The following MKRN2 variants were observed in gnomAD, a reference collection of about 807,000 sequenced individuals.
MKRN2 encodes makorin ring finger protein 2.
In MKRN2, 32 loss-of-function variants were observed where a neutral mutation model predicts 45.4. That is an observed-to-expected ratio of 0.70 (90% CI 0.53 to 0.95). The LOEUF (loss-of-function observed/expected upper bound fraction) is 0.95. Among genes scored for constraint, MKRN2 ranks in the 40% least tolerant of loss-of-function variants. MKRN2 has a pLI of 0.00. For synonymous variants in MKRN2, 206 were observed against 192.4 expected (o/e 1.07, Z -0.59); for missense variants, 526 against 536.7 (o/e 0.98, Z 0.20).
At chr3:12,576,796 G>C in intron 6 of MKRN2, 55 bp downstream of exon 6, 1 of 1,306,944 alleles carries the variant, frequency 7.7e-7, no homozygotes, top group East Asian at 2.3e-5. Flanking sequence ...TCTGCTGTCA[G>C]CCCGTGTCCT....
chr3:12,565,212 A>G lies in MKRN2; in HGVS notation c.27-3663A>G, dbSNP rs185685110. ...AAGAAACTGTCAAACTGTCTTCCAA[A>G]CTCAGCCTCCTTTAGTTACATGGCA... is the stretch of plus-strand genomic sequence containing the variant. On this transcript the variant is annotated intron_variant, in intron 1 of 7. Transcript: ENST00000170447. 1.9e-4 allele frequency among the ~76,000 whole-genome samples: 29 copies of G among 152,322 alleles called. No homozygotes were observed. In the East Asian group the frequency reaches 5.4e-3, roughly 28 times the overall value.
intron 1 of MKRN2, among the ~76,000 whole-genome samples, chr3:12,566,162 G>A (rs2058068112): frequency 1.3e-5 from 2 of 152,160 alleles, no homozygotes; most frequent in Non-Finnish European, 2.9e-5. Context: ...ACTATTTATG[G>A]ATCTTTAAAG....
chr3:12,579,827 G>A (rs927835281), intron 6 of MKRN2, among the ~76,000 whole-genome samples: 2 of 152,264 alleles, frequency 1.3e-5, no homozygotes, highest in South Asian at 2.1e-4. Context: ...GGGGCCAGGC[G>A]CAGTGGCTTA....
At chr3:12,565,428 C>T (rs1274925589) in intron 1 of MKRN2, among the ~76,000 whole-genome samples, 1 of 150,774 alleles carries the variant, frequency 6.6e-6, no homozygotes, top group Non-Finnish European at 1.5e-5. Context: ...TTTTATACTT[C>T]ATTTTGGGTC....
At chr3:12,566,533 A>G (rs1474839812) in intron 1 of MKRN2, among the ~76,000 whole-genome samples, 1 of 152,106 alleles carries the variant, frequency 6.6e-6, no homozygotes, top group African/African-American at 2.4e-5. Flanking sequence ...TATCCCATCT[A>G]CTAAACTCAT....
intron 1 of MKRN2, chr3:12,560,763 TGA>T (rs1330287793): frequency 6.6e-6 from 1 of 152,364 alleles, no homozygotes; most frequent in Non-Finnish European, 1.5e-5. Context: ...CTACCTGCTC[TGA>T]GTCTCCAGCT....
chr3:12,559,863 C>T lies in MKRN2; in HGVS notation c.26+2687C>T, dbSNP rs140190769. 3.5e-3 allele frequency among the ~76,000 whole-genome samples: 539 copies of T among 152,310 alleles called. 2 individuals are homozygous for T. The highest frequency in any genetic ancestry group is 0.012 in the African/African-American group (501 of 41,552). ...TTCACCTTCTCCTCTTGTGATAGAG[C>T]TTCCCTGCATCTCATAATCACTATT... On this transcript the variant is annotated intron_variant, in intron 1 of 7. Coordinates refer to ENST00000170447, the MANE Select transcript of MKRN2 (RefSeq NM_014160.5).
intron 6 of MKRN2, 96 bp downstream of exon 6, chr3:12,576,837 G>A: frequency 1.3e-6 from 1 of 780,986 alleles, no homozygotes; most frequent in Non-Finnish European, 2.1e-6. Context: ...TGGTCTTAGG[G>A]GCCTCTTCCT....
chr3:12,568,244 T>C (rs2058080372), intron 1 of MKRN2, among the ~76,000 whole-genome samples: 2 of 152,176 alleles, frequency 1.3e-5, no homozygotes, highest in South Asian at 4.1e-4. Context: ...GCTGAGACTG[T>C]GCCATTGCAC....
intron 6 of MKRN2, 81 bp from the exon 7 acceptor site, chr3:12,581,727 T>G: frequency 6.7e-7 from 1 of 1,501,270 alleles, no homozygotes; most frequent in Admixed American, 1.8e-5. Flanking sequence ...GTAAGGGTGG[T>G]AAGGATGGAG....
rs779539575 is a variant in MKRN2, at chr3:12,576,643, A to G, written c.870A>G (p.Glu290=). The G allele has an allele frequency of 2.5e-6, 4 of 1,600,504 alleles. No individual in the cohort carries two copies. Among genetic ancestry groups the G allele is most frequent in the South Asian group, 1.1e-5 (1 of 90,706 alleles). Residue 290 remains glutamate (E), a synonymous_variant, in exon 6 of 8, where the codon GAA becomes GAG. Coordinates refer to ENST00000170447, the MANE Select transcript of MKRN2 (RefSeq NM_014160.5). The stretch of plus-strand genomic sequence containing the variant: ...ATTCTTATTTCAGGTCTTGTCCAGA[A>G]TGCCGTGTGATATCAGAGTTTGTAA... The part of the protein sequence containing the change: ...FENPIIKSCP[E]CRVISEFVIP...
Position 12,557,165 on chromosome 3 carries a change from G to A in MKRN2, c.15G>A (p.Gln5=), listed in dbSNP as rs1174561867. The A allele has an allele frequency of 2.6e-6, 4 of 1,536,940 alleles. No individual in the cohort carries two copies. The highest frequency in any genetic ancestry group is 3.5e-6 in the Non-Finnish European group (4 of 1,143,824). The change falls in exon 1 of 8, where the codon CAG becomes CAA. Residue 5 remains glutamine, a synonymous_variant. Coordinates refer to ENST00000170447, the MANE Select transcript of MKRN2 (RefSeq NM_014160.5). ...GCCCAGCCACCATGAGCACCAAGCA[G>A]ATCACTTGCAGGTCAGTGCGCTGGA... is the stretch of plus-strand genomic sequence containing the variant. MSTK[Q]ITCRYFMHGV...
At chr3:12,568,269 CAGAG>C (rs2125302970) in intron 1 of MKRN2, among the ~76,000 whole-genome samples, 2 of 152,296 alleles carry the variant, frequency 1.3e-5, no homozygotes, top group East Asian at 3.9e-4. Flanking sequence ...GCCTGGGTGA[CAGAG>C]AGACTCCATC....
In MKRN2 at chr3:12,569,237, C is replaced by T. The variant is rs574539660; in HGVS notation, c.155+234C>T. ...AGGGCAGTGGTGCGATCTCAGTTCTCTGCAACCTCCGCCTCCAGGGTTCTC... is the reference window on the plus strand; with the variant it reads ...AGGGCAGTGGTGCGATCTCAGTTCTTTGCAACCTCCGCCTCCAGGGTTCTC... On this transcript the variant is annotated intron_variant, in intron 2 of 7. Transcript: ENST00000170447. Among the ~76,000 whole-genome samples, 12 of 119,460 alleles carry T rather than the reference C, an allele frequency of 1.0e-4. No homozygotes were observed. The South Asian group carries it at 2.6e-3, about 26-fold the overall frequency. 78.4% of individuals were successfully genotyped at this position (119,460 alleles called of 152,430 possible). A position where few individuals can be genotyped will look rare whatever the true frequency, so the allele number is the denominator to read the frequency against.
At chr3:12,572,750 ACTTTT>A (rs1216280676) in intron 4 of MKRN2, among the ~76,000 whole-genome samples, 1 of 151,276 alleles carries the variant, frequency 6.6e-6, no homozygotes, top group African/African-American at 2.4e-5. Flanking sequence ...ACACCCGGCT[ACTTTT>A]TGTATTTTTA....
chr3:12,582,479 A>C lies in MKRN2; in HGVS notation c.*226A>C. On this transcript the variant is annotated 3_prime_UTR_variant, in exon 8 of 8. Transcript: ENST00000170447. The stretch of plus-strand genomic sequence containing the variant: ...TATGGAATTGCTATTTTTATAGCTG[A>C]TATAGTTACACCTCAAGCCCCTCAG... 1.9e-6 allele frequency: 1 copy of C among 530,006 alleles called. No individual in the cohort carries two copies. Among genetic ancestry groups the C allele is most frequent in the East Asian group, 3.1e-5 (1 of 31,828 alleles). 32.8% of individuals were successfully genotyped at this position (530,006 alleles called of 1,614,324 possible). A position where few individuals can be genotyped will look rare whatever the true frequency, so the allele number is the denominator to read the frequency against.
chr3:12,575,348 A>C (rs1283058598), intron 5 of MKRN2, among the ~76,000 whole-genome samples: 1 of 152,188 alleles, frequency 6.6e-6, no homozygotes, highest in Admixed American at 6.5e-5. Flanking sequence ...CCTGTTAATC[A>C]TTTTGAGCTT....
chr3:12,575,929 C>T lies in MKRN2; in HGVS notation c.858-702C>T, dbSNP rs1013479825. 3.9e-5 allele frequency among the ~76,000 whole-genome samples: 6 copies of T among 152,298 alleles called. No individual in the cohort carries two copies. In the South Asian group the frequency reaches 8.3e-4, roughly 21 times the overall value. On this transcript the variant is annotated intron_variant, in intron 5 of 7. Transcript: ENST00000170447. ...CCTTATCCATTCCTCAGCTAGTGGACATTTAGGCTGTTTTAACTTTGCAAC... is the reference window on the plus strand; with the variant it reads ...CCTTATCCATTCCTCAGCTAGTGGATATTTAGGCTGTTTTAACTTTGCAAC...
intron 1 of MKRN2, chr3:12,561,148 T>G (rs2058033772): frequency 6.6e-6 from 1 of 152,230 alleles, no homozygotes; most frequent in African/African-American, 2.4e-5. Context: ...AAATTATTTT[T>G]GAATCTGTTT....
Sources: allele counts gnomAD v4.1 joint callset (sites outside exome capture counted in the v4.1 genomes callset), GRCh38; gene constraint gnomAD v4.1.1; transcripts MANE v1.5; gene names NCBI Gene and HGNC (gene_info 2026-07-23, HGNC 2026-07-21).